Variants in CIBAR2 observed in about 807,000 individuals in gnomAD.
The protein encoded by CIBAR2 is CBY1 interacting BAR domain containing 2.
CIBAR2 carries 38 observed loss-of-function variants against 36.2 expected under a neutral mutation model. The ratio of observed to expected loss-of-function variants is 1.05; its 90% CI spans 0.81 to 1.38. The LOEUF (loss-of-function observed/expected upper bound fraction) is 1.38, where lower values mean the gene tolerates loss of function less well. Ranked by LOEUF, CIBAR2 falls within the 40% of genes most tolerant of loss-of-function variation. The probability of loss-of-function intolerance (pLI) is 0.00; values close to 1 mark genes in which losing one functional copy is unlikely to be tolerated. For synonymous variants in CIBAR2, 182 were observed against 149.5 expected (o/e 1.22, Z -1.58); for missense variants, 481 against 383.4 (o/e 1.25, Z -2.13).
rs550087599 is a variant in CIBAR2 at position 85,099,379 on chromosome 16, C to A, written c.754-33G>T. The A allele has an allele frequency of 1.5e-5, 18 of 1,173,178 alleles. 1 individual carries two copies. The highest frequency in any genetic ancestry group is 1.5e-4 in the African/African-American group (10 of 66,320). 72.7% of individuals were successfully genotyped at this position (1,173,178 alleles called of 1,614,324 possible). On this transcript the variant is annotated intron_variant, in intron 8 of 8. Coordinates refer to ENST00000539556, the MANE Select transcript of CIBAR2 (RefSeq NM_198491.3). Reference sequence around the variant, plus strand: ...AATATAAATGCACCTGATGGCAGGCCTTCCTGGGGCTGTAAGGTAACATCT... The same window carrying A: ...AATATAAATGCACCTGATGGCAGGCATTCCTGGGGCTGTAAGGTAACATCT...
chr16:85,107,613 C>T lies in CIBAR2; in HGVS notation c.432+54G>A, dbSNP rs531271015. On this transcript the variant is annotated intron_variant, in intron 5 of 8. Transcript: ENST00000539556. ...AGTCTACCTGGCCGTTTTGTGAGGT[C>T]GTGTATTTCCTACGTGTGATTCTGC... The T allele has an allele frequency of 1.1e-5, 17 of 1,596,602 alleles. No individual in the cohort carries two copies. In the African/African-American group the frequency reaches 1.1e-4, roughly 10 times the overall value.
At chr16:85,101,342 G>C (rs2073953876) in intron 7 of CIBAR2, among the ~76,000 whole-genome samples, 1 of 152,102 alleles carries the variant, frequency 6.6e-6, no homozygotes, top group Non-Finnish European at 1.5e-5. Context: ...CCTGTGCTCA[G>C]ATGACAGCCA....
rs2073929718 is a variant in CIBAR2 at position 85,098,684 on chromosome 16, A to AAAG, written c.*500_*501insCTT. 3.2e-6 allele frequency: 3 copies of AAAG among 940,348 alleles called. No individual in the cohort carries two copies. The highest frequency in any genetic ancestry group is 3.8e-6 in the Non-Finnish European group (3 of 788,730). 58.3% of individuals were successfully genotyped at this position (940,348 alleles called of 1,614,324 possible). A position where few individuals can be genotyped will look rare whatever the true frequency, so the allele number is the denominator to read the frequency against. On this transcript the variant is annotated 3_prime_UTR_variant, in exon 9 of 9. Transcript: ENST00000539556. ...CTCCATATGGTGCTCTGAGCACTCTAAATAATAATAATAATAAAACGACAG... is the reference window on the plus strand; with the variant it reads ...CTCCATATGGTGCTCTGAGCACTCTAAAGAATAATAATAATAATAAAACGACAG...
rs1392754325 is a variant in CIBAR2, at chr16:85,105,339, G to C, written c.525C>G (p.Leu175=). Residue 175 remains leucine, a synonymous_variant, in exon 6 of 9, where the codon CTC becomes CTG. Coordinates refer to ENST00000539556, the MANE Select transcript of CIBAR2 (RefSeq NM_198491.3). ...ETVDGFQRQK[L]KDLQKFFCDF... ...CAACCACCCTCACCTGCAGGTCCTTGAGCTTCTGCCTCTGGAAGCCATCCA... is the reference window on the plus strand; with the variant it reads ...CAACCACCCTCACCTGCAGGTCCTTCAGCTTCTGCCTCTGGAAGCCATCCA... 6.2e-7 allele frequency: 1 copy of C among 1,612,166 alleles called. No individual in the cohort carries two copies. Among genetic ancestry groups the C allele is most frequent in the African/African-American group, 1.3e-5 (1 of 74,920 alleles).
intron 1 of CIBAR2, among the ~76,000 whole-genome samples, chr16:85,111,902 C>T (rs558513632): frequency 6.6e-6 from 1 of 152,168 alleles, no homozygotes; most frequent in African/African-American, 2.4e-5. Context: ...GCCTGGAATT[C>T]GAACCTCAGA....
intron 1 of CIBAR2, 95 bp from the exon 2 acceptor site, chr16:85,110,555 C>G (rs2074033981): frequency 1.1e-6 from 1 of 925,084 alleles, no homozygotes; most frequent in Non-Finnish European, 1.6e-6. Context: ...CAGGAGCTGC[C>G]ACCAGCCGGC....
At chr16:85,107,277 C>T (rs1380232704) in intron 5 of CIBAR2, among the ~76,000 whole-genome samples, 5 of 152,162 alleles carry the variant, frequency 3.3e-5, no homozygotes, top group South Asian at 2.1e-4. Flanking sequence ...ATCTTTCCCA[C>T]GGGGCAGGAC....
At chr16:85,108,008 C>G (rs1181664807) in intron 3 of CIBAR2, 23 bp downstream of exon 3, 1 of 1,613,722 alleles carries the variant, frequency 6.2e-7, no homozygotes, top group East Asian at 2.2e-5. Context: ...GGATGCCACC[C>G]ACACCGAGGT....
In CIBAR2 at chr16:85,110,450, C is replaced by T. The variant is rs761128607; in HGVS notation, c.31G>A (p.Val11Met). 6 of 1,595,276 alleles carry T rather than the reference C, an allele frequency of 3.8e-6. No homozygotes were observed. In the African/African-American group the frequency reaches 8.1e-5, roughly 21 times the overall value. The change falls in exon 2 of 9, where the codon GTG (valine) becomes ATG (methionine). Residue 11 changes from valine (V) to methionine (M), a missense_variant. By Grantham distance (21) the Val-to-Met change is conservative. Transcript: ENST00000539556. MNIVFSRDSQVRVMENTVANT... is the reference protein window; with the variant it reads MNIVFSRDSQMRVMENTVANT... ...GCCACGGTATTCTCCATCACCCTCACCTGGCTGTCCCTGTGGAGGCGGGGA... is the reference window on the plus strand; with the variant it reads ...GCCACGGTATTCTCCATCACCCTCATCTGGCTGTCCCTGTGGAGGCGGGGA...
intron 6 of CIBAR2, among the ~76,000 whole-genome samples, chr16:85,103,483 T>A (rs746862795): frequency 1.3e-5 from 2 of 152,184 alleles, no homozygotes; most frequent in Non-Finnish European, 2.9e-5. Context: ...TGGATTCACA[T>A]CTCTTACAAA....
intron 1 of CIBAR2, 131 bp downstream of exon 1, chr16:85,112,202 G>C (rs988245593): frequency 8.0e-6 from 6 of 750,006 alleles, no homozygotes; most frequent in Non-Finnish European, 1.2e-5. Flanking sequence ...CACCGTGGGA[G>C]GGAGAGCTCC....
At position 85,107,965 on chromosome 16, in the gene CIBAR2, G is replaced by A. The variant is rs768905864; in HGVS notation, c.325-18C>T. ...ATCTCAGCCTGCAGAAAAGGAGGAG[G>A]GTTGTTTCCTGGGATCCCACAGGGC... is the stretch of plus-strand genomic sequence containing the variant. On this transcript the variant is annotated intron_variant, in intron 3 of 8. Coordinates refer to ENST00000539556, the MANE Select transcript of CIBAR2 (RefSeq NM_198491.3). 22 of 1,613,290 alleles carry A rather than the reference G, an allele frequency of 1.4e-5. No homozygotes were observed. In the South Asian group the frequency reaches 2.4e-4, roughly 18 times the overall value.
chr16:85,103,362 C>G (rs1053747569), intron 6 of CIBAR2, among the ~76,000 whole-genome samples: 1 of 152,176 alleles, frequency 6.6e-6, no homozygotes, highest in African/African-American at 2.4e-5. Flanking sequence ...AATCACCCAG[C>G]TTAAAGTGTT....
intron 7 of CIBAR2, among the ~76,000 whole-genome samples, chr16:85,101,129 C>G (rs901174985): frequency 6.6e-6 from 1 of 152,090 alleles, no homozygotes; most frequent in Non-Finnish European, 1.5e-5. Flanking sequence ...CCGTGGGCAG[C>G]CACTGTGGCC....
At chr16:85,109,016 T>C (rs2074019905) in intron 2 of CIBAR2, among the ~76,000 whole-genome samples, 1 of 152,156 alleles carries the variant, frequency 6.6e-6, no homozygotes, top group Non-Finnish European at 1.5e-5. Flanking sequence ...GCCCTGGTCT[T>C]CCTCTGGTCT....
In CIBAR2 at chr16:85,105,313, C is replaced by T; in HGVS notation, c.537+14G>A. ...CAGCCCAGGGCGCCTCCCATCCCGG[C>T]CAACCACCCTCACCTGCAGGTCCTT... On this transcript the variant is annotated intron_variant, in intron 6 of 8. Transcript: ENST00000539556. The T allele has an allele frequency of 6.3e-7, 1 of 1,587,542 alleles. No homozygotes were observed. The highest frequency in any genetic ancestry group is 8.6e-7 in the Non-Finnish European group (1 of 1,159,138).
intron 2 of CIBAR2, among the ~76,000 whole-genome samples, chr16:85,108,482 C>T (rs2074015380): frequency 6.6e-6 from 1 of 152,354 alleles, no homozygotes; most frequent in South Asian, 2.1e-4. Context: ...CACGACAGCC[C>T]TGGCCCCGTC....
At chr16:85,106,140 G>A (rs1329964775) in intron 5 of CIBAR2, among the ~76,000 whole-genome samples, 2 of 152,180 alleles carry the variant, frequency 1.3e-5, no homozygotes, top group Admixed American at 6.5e-5. Flanking sequence ...CTGCAGAGAC[G>A]GTGGGTGACC....
chr16:85,103,904 C>T (rs1248608214), intron 6 of CIBAR2, among the ~76,000 whole-genome samples: 1 of 152,202 alleles, frequency 6.6e-6, no homozygotes, highest in Non-Finnish European at 1.5e-5. Flanking sequence ...ACACAGCACA[C>T]CACAAACCAC....
Sources: allele counts gnomAD v4.1 joint callset (sites outside exome capture counted in the v4.1 genomes callset), GRCh38; gene constraint gnomAD v4.1.1; transcripts MANE v1.5; gene names NCBI Gene and HGNC (gene_info 2026-07-23, HGNC 2026-07-21).